The following CBL variants were observed in gnomAD, a reference collection of about 807,000 sequenced individuals.
The protein encoded by CBL is E3 ubiquitin-protein ligase CBL.
CBL carries 45 observed loss-of-function variants against 96.9 expected under a neutral mutation model. The ratio of observed to expected loss-of-function variants is 0.46; its 90% confidence interval spans 0.37 to 0.60. CBL has a LOEUF of 0.60. CBL is among the 20% of genes least tolerant of loss of function. The pLI, the probability that CBL is intolerant of heterozygous loss-of-function variation, is 0.00. For synonymous variants in CBL, 420 were observed against 426.8 expected, an observed-to-expected ratio of 0.98 and a Z score of 0.20; for missense variants, 1,024 against 1,143.5, an observed-to-expected ratio of 0.90 and a Z score of 1.51.
chr11:119,296,359 T>G (rs1031490434), intron 12 of CBL, among the ~76,000 whole-genome samples: 2 of 152,172 alleles, frequency 1.3e-5, no homozygotes, highest in African/African-American at 4.8e-5. Context: ...AGTTTCTGGG[T>G]GAAAGTTACA....
At chr11:119,244,904 G>T (rs1010280515) in intron 2 of CBL, among the ~76,000 whole-genome samples, 1 of 151,764 alleles carries the variant, frequency 6.6e-6, no homozygotes, top group Admixed American at 6.6e-5. Flanking sequence ...CTGGAGTCCA[G>T]TGACACAATC....
chr11:119,245,956 C>CTTTTTTTTTTTTTTTTT lies in CBL; in HGVS notation c.443+13279_443+13295dup, dbSNP rs71048054. Among the ~76,000 whole-genome samples, 5 of 54,300 alleles carry CTTTTTTTTTTTTTTTTT rather than the reference C, an allele frequency of 9.2e-5. 1 individual carries two copies. The highest frequency in any genetic ancestry group is 1.3e-4 in the African/African-American group (2 of 15,378). The allele number at this position is 54,300 out of a possible 152,430, so 35.6% of individuals were successfully genotyped here. On this transcript the variant is annotated intron_variant, in intron 2 of 15. Transcript: ENST00000264033. The stretch of plus-strand genomic sequence containing the variant: ...TAAGACAGACGCATTCTTTGCAAAT[C>CTTTTTTTTTTTTTTTTT]TTTTTTTTTTTTTTTTTTTTTTTTT...
intron 2 of CBL, among the ~76,000 whole-genome samples, chr11:119,243,522 T>G (rs942718153): frequency 2.0e-5 from 3 of 151,378 alleles, no homozygotes; most frequent in African/African-American, 7.3e-5. Context: ...AAAATTTTTT[T>G]TTTTTTTTTT....
Position 119,212,636 on chromosome 11 carries a change from A to G in CBL, c.195+6024A>G, listed in dbSNP as rs182503406. Among the ~76,000 whole-genome samples, 299 of 152,220 alleles carry G rather than the reference A, an allele frequency of 2.0e-3. 1 individual carries two copies. Among genetic ancestry groups the G allele is most frequent in the African/African-American group, 6.3e-3 (262 of 41,542 alleles). On this transcript the variant is annotated intron_variant, in intron 1 of 15. Coordinates refer to ENST00000264033, the MANE Select transcript of CBL (RefSeq NM_005188.4). Reference sequence around the variant, plus strand: ...AGCAAAACTCTGTCTCAAAATAAATAAATGAATGAATGAATAAATAAATAA... The same window carrying G: ...AGCAAAACTCTGTCTCAAAATAAATGAATGAATGAATGAATAAATAAATAA...
chr11:119,247,122 ACT>A (rs998119855), intron 2 of CBL, among the ~76,000 whole-genome samples: 4 of 152,130 alleles, frequency 2.6e-5, no homozygotes, highest in Admixed American at 1.3e-4. Flanking sequence ...TTGGAGAAAC[ACT>A]CTGCCAGTTA....
intron 1 of CBL, among the ~76,000 whole-genome samples, chr11:119,209,451 C>G (rs1197380497): frequency 6.6e-6 from 1 of 152,114 alleles, no homozygotes; most frequent in Non-Finnish European, 1.5e-5. Context: ...AATGCTGCCT[C>G]TACTAAAAAA....
intron 1 of CBL, among the ~76,000 whole-genome samples, chr11:119,220,435 C>G (rs1199484777): frequency 6.6e-6 from 1 of 151,996 alleles, no homozygotes; most frequent in African/African-American, 2.4e-5. Flanking sequence ...ATAGCAAGAC[C>G]CTGTGTCTAA....
At chr11:119,280,961 T>C (rs1400350895) in intron 9 of CBL, among the ~76,000 whole-genome samples, 1 of 152,254 alleles carries the variant, frequency 6.6e-6, no homozygotes, top group Non-Finnish European at 1.5e-5. Context: ...TTTCTGCTTT[T>C]CCTGGTATAA....
At position 119,224,505 on chromosome 11, in the gene CBL, CTTA is replaced by C. The variant is rs372454095; in HGVS notation, c.196-7939_196-7937del. ...AAGCCTTACTGATAACATAAAACAG[CTTA>C]TTAACATGTTATTTTGTACATACAT... On this transcript the variant is annotated intron_variant, in intron 1 of 15. Coordinates refer to ENST00000264033, the MANE Select transcript of CBL (RefSeq NM_005188.4). Among the ~76,000 whole-genome samples the C allele has an allele frequency of 9.2e-5, 14 of 152,206 alleles. 1 individual carries two copies. Among genetic ancestry groups the C allele is most frequent in the African/African-American group, 3.1e-4 (13 of 41,518 alleles).
chr11:119,300,771 C>T lies in CBL; in HGVS notation c.*990C>T, dbSNP rs1950096399. The T allele has an allele frequency of 2.3e-5, 9 of 390,698 alleles. No homozygotes were observed. The allele number at this position is 390,698 out of a possible 1,614,324, so 24.2% of individuals were successfully genotyped here. A position where few individuals can be genotyped will look rare whatever the true frequency, so the allele number is the denominator to read the frequency against. On this transcript the variant is annotated 3_prime_UTR_variant, in exon 16 of 16. Transcript: ENST00000264033. ...GCCAGGTATGTGTTCTGATGTAGGTCATGAGTCTTTCTACTTAATGGGAAG... is the reference window on the plus strand; with the variant it reads ...GCCAGGTATGTGTTCTGATGTAGGTTATGAGTCTTTCTACTTAATGGGAAG...
At chr11:119,296,609 C>T (rs1211517823) in intron 12 of CBL, among the ~76,000 whole-genome samples, 1 of 152,182 alleles carries the variant, frequency 6.6e-6, no homozygotes, top group Non-Finnish European at 1.5e-5. Flanking sequence ...GTTTCTCTAA[C>T]TCTAGGGCCT....
At position 119,300,528 on chromosome 11, in the gene CBL, A is replaced by G. The variant is rs1173008557; in HGVS notation, c.*747A>G. The G allele has an allele frequency of 2.8e-5, 11 of 399,854 alleles. No homozygotes were observed. The highest frequency in any genetic ancestry group is 4.1e-5 in the African/African-American group (2 of 48,634). The allele number at this position is 399,854 out of a possible 1,614,324, so 24.8% of individuals were successfully genotyped here. ...GTGATGGTATTGGTTTGTTTGGTAG[A>G]TAAGTGGGAGGAAAAGTACTGTTGC... On this transcript the variant is annotated 3_prime_UTR_variant, in exon 16 of 16. Transcript: ENST00000264033.
At chr11:119,239,782 TG>T (rs1467478172) in intron 2 of CBL, among the ~76,000 whole-genome samples, 5 of 151,948 alleles carry the variant, frequency 3.3e-5, no homozygotes, top group Admixed American at 2.6e-4. Flanking sequence ...TTTTGGTTGT[TG>T]TTTTTTTTTT....
At chr11:119,266,589 C>A (rs1366295856) in intron 2 of CBL, among the ~76,000 whole-genome samples, 1 of 151,136 alleles carries the variant, frequency 6.6e-6, no homozygotes, top group Non-Finnish European at 1.5e-5. Flanking sequence ...GAAGGTAGGC[C>A]CTGAGGTAGA....
intron 3 of CBL, among the ~76,000 whole-genome samples, chr11:119,272,328 A>G (rs1276446910): frequency 3.3e-5 from 5 of 152,198 alleles, no homozygotes; most frequent in Non-Finnish European, 7.4e-5. Flanking sequence ...TCACCACGTC[A>G]GCCAGGATGG....
intron 12 of CBL, chr11:119,289,644 C>T (rs1950010891): frequency 6.6e-6 from 1 of 151,574 alleles, no homozygotes; most frequent in South Asian, 2.1e-4. Context: ...CTGTATCGTT[C>T]CAGTTGTAGT....
At chr11:119,269,198 A>G (rs1949824941) in intron 2 of CBL, among the ~76,000 whole-genome samples, 1 of 151,612 alleles carries the variant, frequency 6.6e-6, no homozygotes, top group Non-Finnish European at 1.5e-5. Flanking sequence ...AAGGATCTCA[A>G]GGTGCTAGGA....
intron 1 of CBL, among the ~76,000 whole-genome samples, chr11:119,229,720 A>C (rs1415904216): frequency 6.8e-6 from 1 of 147,476 alleles, no homozygotes; most frequent in Non-Finnish European, 1.5e-5. Flanking sequence ...TCATTTGAAG[A>C]GTTGTGTTTT....
chr11:119,256,151 A>G (rs1180250540), intron 2 of CBL, among the ~76,000 whole-genome samples: 2 of 151,126 alleles, frequency 1.3e-5, no homozygotes, highest in African/African-American at 4.9e-5. Context: ...AGTAACGTCT[A>G]TATGTTAAGC....
Sources: gnomAD v4.1 joint callset for allele counts (sites outside exome capture counted in the v4.1 genomes callset) on GRCh38, gnomAD v4.1.1 for gene constraint, MANE v1.5 for transcripts, NCBI Gene and HGNC (gene_info 2026-07-23, HGNC 2026-07-21) for gene names.